Variants in RB1CC1 observed in about 807,000 individuals in gnomAD.
RB1CC1 encodes the protein RB1-inducible coiled-coil protein 1.
A neutral mutation model predicts 177.5 loss-of-function variants in RB1CC1; 46 were observed. The ratio of observed to expected loss-of-function variants is 0.26; its 90% CI spans 0.20 to 0.33. The LOEUF is 0.33. Among genes scored for constraint, RB1CC1 ranks in the 10% least tolerant of loss-of-function variants. The pLI is 1.00. For missense variants in RB1CC1, 1,703 were observed against 1,816.3 expected (o/e 0.94, Z 1.13); for synonymous variants, 666 against 613.6 (o/e 1.09, Z -1.26).
At position 52,708,569 on chromosome 8, in the gene RB1CC1, C is replaced by T. The variant is rs79572718; in HGVS notation, c.-167+5506G>A. 4.3e-4 allele frequency among the ~76,000 whole-genome samples: 65 copies of T among 152,248 alleles called. 1 individual carries two copies. The highest frequency in any genetic ancestry group is 1.5e-3 in the African/African-American group (63 of 41,540). ...AAGTCCAAGTATTGTCCTATTACCA[C>T]TTCTGGGAAGTCTTCCCTTATCACA... On this transcript the variant is annotated intron_variant, in intron 1 of 23. Transcript: ENST00000025008.
chr8:52,657,836 T>G lies in RB1CC1; in HGVS notation c.1993A>C (p.Thr665Pro). The change falls in exon 15 of 24, where the codon ACT becomes CCT. Residue 665 changes from threonine (T) to proline (P), a missense_variant. Coordinates refer to ENST00000025008, the MANE Select transcript of RB1CC1 (RefSeq NM_014781.5). The part of the protein sequence containing the change: ...RMESTAGITT[T>P]TSPRTPPPLT... ...GGTGGAGGAGTTCTCGGTGAGGTAGTAGTTGTAATTCCTGCTGTACTTTCC... is the reference window on the plus strand; with the variant it reads ...GGTGGAGGAGTTCTCGGTGAGGTAGGAGTTGTAATTCCTGCTGTACTTTCC... 1 of 1,613,856 alleles carries G rather than the reference T, an allele frequency of 6.2e-7. No individual in the cohort carries two copies.
At chr8:52,641,689 T>C (rs1194352329) in intron 18 of RB1CC1, among the ~76,000 whole-genome samples, 1 of 152,106 alleles carries the variant, frequency 6.6e-6, no homozygotes, top group Admixed American at 6.6e-5. Flanking sequence ...TTGTGTGGCA[T>C]AATGATCTGG....
At chr8:52,672,003 T>C (rs1348513035) in intron 7 of RB1CC1, among the ~76,000 whole-genome samples, 1 of 152,256 alleles carries the variant, frequency 6.6e-6, no homozygotes, top group South Asian at 2.1e-4. Flanking sequence ...ATAATGGTCA[T>C]GTAAAATATC....
chr8:52,709,872 T>G (rs997520411), intron 1 of RB1CC1, among the ~76,000 whole-genome samples: 2 of 152,216 alleles, frequency 1.3e-5, no homozygotes, highest in Non-Finnish European at 2.9e-5. Context: ...TTTGGGGGCA[T>G]CTAAACATAA....
intron 15 of RB1CC1, among the ~76,000 whole-genome samples, chr8:52,647,118 T>C (rs539822563): frequency 2.6e-5 from 4 of 152,238 alleles, no homozygotes; most frequent in Non-Finnish European, 2.9e-5. Context: ...AAGAATACAC[T>C]ATATCAATAA....
intron 1 of RB1CC1, among the ~76,000 whole-genome samples, chr8:52,697,252 C>CA (rs1376366431): frequency 6.9e-6 from 1 of 145,708 alleles, no homozygotes; most frequent in Non-Finnish European, 1.5e-5. Context: ...TCAGAATAAG[C>CA]ATTCCACAGA....
intron 20 of RB1CC1, 62 bp from the exon 21 acceptor site, chr8:52,630,590 C>CA: frequency 1.3e-6 from 2 of 1,490,758 alleles, no homozygotes; most frequent in South Asian, 2.7e-5. Context: ...ATTCTTACTG[C>CA]AAAAATTTCA....
At chr8:52,660,529 C>A in intron 12 of RB1CC1, 67 bp downstream of exon 12, 1 of 1,362,220 alleles carries the variant, frequency 7.3e-7, no homozygotes, top group Non-Finnish European at 1.0e-6. Context: ...TGATAAATGT[C>A]TCTACTTCTG....
At chr8:52,637,300 T>C (rs1449345723) in intron 18 of RB1CC1, among the ~76,000 whole-genome samples, 1 of 152,232 alleles carries the variant, frequency 6.6e-6, no homozygotes, top group African/African-American at 2.4e-5. Flanking sequence ...TAAGTATTTT[T>C]ACCTTTTTGA....
rs145485281 is a variant in RB1CC1, at chr8:52,640,101, C to T, written c.4337+2250G>A. On this transcript the variant is annotated intron_variant, in intron 18 of 23. Transcript: ENST00000025008. ...CACAGTTCTCTCAGAGTACCACTTT[C>T]GTCATATCTGTTTTTGATACTTTGG... is the stretch of plus-strand genomic sequence containing the variant. Among the ~76,000 whole-genome samples, 7 of 152,252 alleles carry T rather than the reference C, an allele frequency of 4.6e-5. No homozygotes were observed. The East Asian group carries it at 5.8e-4, about 13-fold the overall frequency.
intron 12 of RB1CC1, among the ~76,000 whole-genome samples, chr8:52,660,269 A>T (rs1011332596): frequency 6.6e-6 from 1 of 152,098 alleles, no homozygotes; most frequent in Non-Finnish European, 1.5e-5. Context: ...GAGGGAGAAG[A>T]GCAGTGGAAG....
chr8:52,661,916 C>CAGATAG (rs1392514000), intron 8 of RB1CC1, among the ~76,000 whole-genome samples, 197 bp from the exon 9 acceptor site: 2 of 151,968 alleles, frequency 1.3e-5, no homozygotes, highest in African/African-American at 4.8e-5. Context: ...ATCCTATGCT[C>CAGATAG]ATCTTTAATT....
In RB1CC1 at chr8:52,683,271, T is replaced by A. The variant is rs190726506; in HGVS notation, c.369+278A>T. 2.0e-4 allele frequency among the ~76,000 whole-genome samples: 31 copies of A among 152,296 alleles called. No homozygotes were observed. The East Asian group carries it at 5.0e-3, about 25-fold the overall frequency. On this transcript the variant is annotated intron_variant, in intron 5 of 23. Transcript: ENST00000025008. Reference sequence around the variant, plus strand: ...TACTCTAACGTAGGTCCTTTATTAATTAATGTTCAAAAGTAACTATTTACA... The same window carrying A: ...TACTCTAACGTAGGTCCTTTATTAAATAATGTTCAAAAGTAACTATTTACA...
chr8:52,706,017 A>G (rs1162745652), intron 1 of RB1CC1, among the ~76,000 whole-genome samples: 1 of 152,200 alleles, frequency 6.6e-6, no homozygotes, highest in African/African-American at 2.4e-5. Flanking sequence ...GCAAGCACTT[A>G]AAAAGTCTGG....
At chr8:52,627,838 C>T (rs1229882873) in intron 22 of RB1CC1, among the ~76,000 whole-genome samples, 194 bp downstream of exon 22, 1 of 152,118 alleles carries the variant, frequency 6.6e-6, no homozygotes, top group Admixed American at 6.5e-5. Context: ...GTATAAGCTA[C>T]ACTCCTTAAT....
At position 52,714,060 on chromosome 8, in the gene RB1CC1, G is replaced by A; in HGVS notation, c.-167+15C>T. The A allele has an allele frequency of 2.9e-6, 1 of 348,694 alleles. No individual in the cohort carries two copies. The highest frequency in any genetic ancestry group is 5.7e-6 in the Non-Finnish European group (1 of 174,738). The allele number at this position is 348,694 out of a possible 1,614,324, so 21.6% of individuals were successfully genotyped here. A position where few individuals can be genotyped will look rare whatever the true frequency, so the allele number is the denominator to read the frequency against. ...CCAGATGGGGGAAGGGGACGCGGGC[G>A]GCGGCGACACTTACCCGGCAACGCC... On this transcript the variant is annotated intron_variant, in intron 1 of 23. Transcript: ENST00000025008.
intron 18 of RB1CC1, among the ~76,000 whole-genome samples, chr8:52,639,742 G>A (rs148538350): frequency 5.4e-4 from 82 of 152,218 alleles, no homozygotes; most frequent in Admixed American, 2.6e-4. Flanking sequence ...ACCTTCTCAA[G>A]TAATCAGTGA....
rs369468969 is a variant in RB1CC1, at chr8:52,642,412, C to T, written c.4276G>A (p.Val1426Met). The T allele has an allele frequency of 1.2e-6, 2 of 1,613,998 alleles. No individual in the cohort carries two copies. The highest frequency in any genetic ancestry group is 1.7e-6 in the Non-Finnish European group (2 of 1,179,996). Reference protein sequence around the residue: ...ELPGESDRSAVETADEGRVDS... With the variant: ...ELPGESDRSAMETADEGRVDS... ...ACTCTTCCTTCATCTGCTGTTTCCACAGCGGATCTATCTGATTCACCTGGG... is the reference window on the plus strand; with the variant it reads ...ACTCTTCCTTCATCTGCTGTTTCCATAGCGGATCTATCTGATTCACCTGGG... Residue 1426 changes from valine to methionine, a missense_variant, in exon 18 of 24, where the codon GTG (valine) becomes ATG (methionine). Physicochemically the swap from Val to Met is conservative, Grantham distance 21 (BLOSUM62 1). Transcript: ENST00000025008.
In RB1CC1 at chr8:52,657,980, T is replaced by C. The variant is rs754531969; in HGVS notation, c.1920+18A>G. On this transcript the variant is annotated intron_variant, in intron 14 of 23. Transcript: ENST00000025008. ...TTTTACACTAATGAAGAAAACTGTT[T>C]GAAAGAATTGAATTTGCCTTTTGTT... 2.5e-6 allele frequency: 4 copies of C among 1,613,416 alleles called. No homozygotes were observed. The South Asian group carries it at 3.3e-5, about 13-fold the overall frequency.
Sources: gnomAD v4.1 joint callset for allele counts (sites outside exome capture counted in the v4.1 genomes callset) on GRCh38, gnomAD v4.1.1 for gene constraint, MANE v1.5 for transcripts, NCBI Gene and HGNC (gene_info 2026-07-23, HGNC 2026-07-21) for gene names.